E2F3: variants seen among roughly 807,000 people sequenced by gnomAD.
The protein encoded by E2F3 is transcription factor E2F3.
A neutral mutation model predicts 44.4 loss-of-function variants in E2F3; 11 were observed. That is an observed-to-expected ratio of 0.25 (90% CI 0.16 to 0.41). The LOEUF is 0.41. Ranked by LOEUF, E2F3 falls within the 10% of genes least tolerant of loss-of-function variation. The pLI is 1.00. For synonymous variants in E2F3, 249 were observed against 253.0 expected (o/e 0.98, Z 0.15); for missense variants, 487 against 583.6 (o/e 0.83, Z 1.70).
chr6:20,435,728 C>T (rs1056101298), intron 1 of E2F3, among the ~76,000 whole-genome samples: 7 of 151,890 alleles, frequency 4.6e-5, no homozygotes, highest in South Asian at 2.1e-4. Context: ...TCCAGCCTGG[C>T]GACAGAGGGA....
intron 1 of E2F3, chr6:20,440,165 AT>A (rs1476944085): frequency 1.3e-5 from 2 of 152,200 alleles, no homozygotes; most frequent in African/African-American, 4.8e-5. Flanking sequence ...TTCATAACAT[AT>A]TTTGAACTCT....
At position 20,443,999 on chromosome 6, in the gene E2F3, C is replaced by T. The variant is rs1760857144; in HGVS notation, c.394-35847C>T. The stretch of plus-strand genomic sequence containing the variant: ...GGCCGAGGTGGGAGGATTACTGAAG[C>T]CCAGGAGTTCAAGACCAGTCTGGGC... On this transcript the variant is annotated intron_variant, in intron 1 of 6. Transcript: ENST00000346618. Among the ~76,000 whole-genome samples the T allele has an allele frequency of 3.3e-5, 5 of 151,944 alleles. No individual in the cohort carries two copies. The South Asian group carries it at 1.0e-3, about 32-fold the overall frequency.
At chr6:20,459,165 G>A (rs1009280161) in intron 1 of E2F3, among the ~76,000 whole-genome samples, 3 of 152,168 alleles carry the variant, frequency 2.0e-5, no homozygotes, top group Non-Finnish European at 2.9e-5. Flanking sequence ...CCAGCTACTC[G>A]GGAGGCTGAG....
At chr6:20,441,721 G>C (rs1447091921) in intron 1 of E2F3, among the ~76,000 whole-genome samples, 3 of 135,480 alleles carry the variant, frequency 2.2e-5, no homozygotes, top group Non-Finnish European at 3.2e-5. Context: ...ATCACGCGTG[G>C]GTAATTTTTT....
Position 20,482,934 on chromosome 6 carries a change from C to A in E2F3, c.884+14C>A. On this transcript the variant is annotated intron_variant, in intron 4 of 6. Transcript: ENST00000346618. Reference sequence around the variant, plus strand: ...AGAGAATCAAAGATATCCTTTGTGCCGCCAGTTCTCTGGGGGTTAGTGCTT... The same window carrying A: ...AGAGAATCAAAGATATCCTTTGTGCAGCCAGTTCTCTGGGGGTTAGTGCTT... 1 of 1,612,824 alleles carries A rather than the reference C, an allele frequency of 6.2e-7. No individual in the cohort carries two copies. Among genetic ancestry groups the A allele is most frequent in the Non-Finnish European group, 8.5e-7 (1 of 1,179,120 alleles).
Position 20,421,379 on chromosome 6 carries a change from C to T in E2F3, c.393+18754C>T, listed in dbSNP as rs369524883. Among the ~76,000 whole-genome samples the T allele has an allele frequency of 2.6e-3, 390 of 152,304 alleles. 3 individuals carry two copies. Among genetic ancestry groups the T allele is most frequent in the African/African-American group, 8.1e-3 (338 of 41,560 alleles). ...ACTATTTATGGCAGCTATAACCTTA[C>T]AAAATGTACTTCTTAAATAATAAGA... On this transcript the variant is annotated intron_variant, in intron 1 of 6. Coordinates refer to ENST00000346618, the MANE Select transcript of E2F3 (RefSeq NM_001949.5).
At chr6:20,477,339 A>G (rs1168017701) in intron 1 of E2F3, among the ~76,000 whole-genome samples, 1 of 152,180 alleles carries the variant, frequency 6.6e-6, no homozygotes. Context: ...TATGTATTAT[A>G]TACTGTATTC....
chr6:20,449,342 CA>C (rs2127599989), intron 1 of E2F3, among the ~76,000 whole-genome samples: 1 of 152,244 alleles, frequency 6.6e-6, no homozygotes, highest in East Asian at 1.9e-4. Context: ...ACTGTTTATG[CA>C]AATCTTTAAA....
Position 20,490,521 on chromosome 6 carries a change from CT to C in E2F3, c.*93del. ...ATGCAGTGTTGTCCCTTCCTACCTT[CT>C]TCCTCCAAGAGAGTATCATGAAGTA... On this transcript the variant is annotated 3_prime_UTR_variant, in exon 7 of 7. Transcript: ENST00000346618. This position sits in a 1 kb window ranked among gnomAD's most constrained non-coding sequence, Gnocchi z 4.3. 1 of 1,309,082 alleles carries C rather than the reference CT, an allele frequency of 7.6e-7. No homozygotes were observed. The highest frequency in any genetic ancestry group is 1.0e-6 in the Non-Finnish European group (1 of 971,166). 81.1% of individuals were successfully genotyped at this position (1,309,082 alleles called of 1,614,324 possible).
intron 1 of E2F3, among the ~76,000 whole-genome samples, chr6:20,462,700 C>T (rs1368252641): frequency 6.6e-6 from 1 of 151,634 alleles, no homozygotes; most frequent in African/African-American, 2.4e-5. Flanking sequence ...TCAGGTAATC[C>T]GCCCACCTCG....
At chr6:20,442,429 C>A (rs1249321029) in intron 1 of E2F3, among the ~76,000 whole-genome samples, 1 of 152,232 alleles carries the variant, frequency 6.6e-6, no homozygotes, top group African/African-American at 2.4e-5. Flanking sequence ...TCAGTAACTT[C>A]TGTGCTTTTT....
At chr6:20,423,018 C>G (rs994559600) in intron 1 of E2F3, among the ~76,000 whole-genome samples, 1 of 152,154 alleles carries the variant, frequency 6.6e-6, no homozygotes, top group Non-Finnish European at 1.5e-5. Context: ...CTGCAGTATC[C>G]GTGGAGCACA....
At chr6:20,472,675 A>T (rs186967883) in intron 1 of E2F3, among the ~76,000 whole-genome samples, 1 of 152,272 alleles carries the variant, frequency 6.6e-6, no homozygotes, top group Admixed American at 6.5e-5. Context: ...CTAAAAAAAT[A>T]AAAAATAAGA....
intron 1 of E2F3, among the ~76,000 whole-genome samples, chr6:20,468,488 G>A (rs569019989): frequency 2.6e-5 from 4 of 152,298 alleles, no homozygotes; most frequent in Middle Eastern, 6.8e-3. Flanking sequence ...CCTTGCATGC[G>A]TCACCCTCCA....
At chr6:20,420,443 G>A (rs1309373457) in intron 1 of E2F3, among the ~76,000 whole-genome samples, 1 of 147,344 alleles carries the variant, frequency 6.8e-6, no homozygotes, top group African/African-American at 2.7e-5. Flanking sequence ...TCTCTGGTGT[G>A]TGTGTGTGTG....
intron 1 of E2F3, among the ~76,000 whole-genome samples, chr6:20,455,396 T>C: frequency 6.6e-6 from 1 of 152,184 alleles, no homozygotes; most frequent in East Asian, 1.9e-4. Flanking sequence ...ATTTAGCAGA[T>C]TGATTCCAAC....
At chr6:20,456,611 A>G (rs1160286572) in intron 1 of E2F3, among the ~76,000 whole-genome samples, 1 of 152,242 alleles carries the variant, frequency 6.6e-6, no homozygotes, top group African/African-American at 2.4e-5. Flanking sequence ...TTAAAAAAAA[A>G]TTAATGTCAG....
chr6:20,472,167 T>G (rs1761916495), intron 1 of E2F3, among the ~76,000 whole-genome samples: 1 of 151,782 alleles, frequency 6.6e-6, no homozygotes, highest in South Asian at 2.1e-4. Context: ...TCAAAATAAA[T>G]AAGTCAATTT....
At chr6:20,429,249 G>A (rs1483738801) in intron 1 of E2F3, among the ~76,000 whole-genome samples, 1 of 152,242 alleles carries the variant, frequency 6.6e-6, no homozygotes, top group East Asian at 1.9e-4. Context: ...TCAAACAAGG[G>A]TATATTCGTT....
Sources: gnomAD v4.1 joint callset for allele counts (sites outside exome capture counted in the v4.1 genomes callset) on GRCh38, gnomAD v4.1.1 for gene constraint, Gnocchi (gnomAD v3.1) non-coding constraint, MANE v1.5 for transcripts, NCBI Gene and HGNC (gene_info 2026-07-23, HGNC 2026-07-21) for gene names.